The following CYP19A1 variants were observed in gnomAD, a reference collection of about 807,000 sequenced individuals.
CYP19A1 encodes aromatase.
A neutral mutation model predicts 44.4 loss-of-function variants in CYP19A1; 32 were observed. The ratio of observed to expected loss-of-function variants is 0.72; its 90% CI spans 0.54 to 0.97. The LOEUF is 0.97. CYP19A1 is among the 50% of genes least tolerant of loss of function. CYP19A1 has a pLI of 0.00. For missense variants in CYP19A1, 598 were observed against 637.8 expected, an observed-to-expected ratio of 0.94 and a Z score of 0.67; for synonymous variants, 212 against 215.6, an observed-to-expected ratio of 0.98 and a Z score of 0.14.
At chr15:51,324,533 A>G (rs1243907570) in intron 1 of CYP19A1, among the ~76,000 whole-genome samples, 2 of 152,252 alleles carry the variant, frequency 1.3e-5, no homozygotes, top group Non-Finnish European at 2.9e-5. Context: ...TGAGGTTAGA[A>G]CCAGTTCTTC....
chr15:51,301,645 C>T (rs551905924), intron 1 of CYP19A1, among the ~76,000 whole-genome samples: 2 of 145,834 alleles, frequency 1.4e-5, no homozygotes, highest in East Asian at 2.0e-4. Context: ...GTCTTCTGCT[C>T]GTCATCCTTT....
intron 1 of CYP19A1, among the ~76,000 whole-genome samples, chr15:51,260,805 C>A (rs1285582343): frequency 6.6e-6 from 1 of 152,192 alleles, no homozygotes; most frequent in Non-Finnish European, 1.5e-5. Flanking sequence ...GAGGGAGGGA[C>A]AATGATCAGG....
intron 2 of CYP19A1, among the ~76,000 whole-genome samples, chr15:51,238,508 A>T (rs1230191544): frequency 6.6e-6 from 1 of 152,018 alleles, no homozygotes; most frequent in Non-Finnish European, 1.5e-5. Flanking sequence ...CTTTTTTTTG[A>T]GACAGAGTCT....
chr15:51,268,524 C>G (rs1327478682), intron 1 of CYP19A1, among the ~76,000 whole-genome samples: 2 of 139,948 alleles, frequency 1.4e-5, no homozygotes, highest in Admixed American at 1.4e-4. Context: ...TTCCTTCCCC[C>G]CCCCCCTTTT....
chr15:51,251,944 G>A (rs1211862746), intron 1 of CYP19A1, among the ~76,000 whole-genome samples: 2 of 152,068 alleles, frequency 1.3e-5, no homozygotes, highest in Admixed American at 1.3e-4. Flanking sequence ...TGAGCCACAG[G>A]GCCCCTCTTA....
chr15:51,281,843 C>T (rs1439370621), intron 1 of CYP19A1, among the ~76,000 whole-genome samples: 1 of 152,188 alleles, frequency 6.6e-6, no homozygotes, highest in East Asian at 1.9e-4. Context: ...CTGACACATA[C>T]ACCAATGACA....
intron 2 of CYP19A1, among the ~76,000 whole-genome samples, chr15:51,241,716 G>A (rs1017696458): frequency 6.6e-6 from 1 of 152,192 alleles, no homozygotes; most frequent in Non-Finnish European, 1.5e-5. Context: ...AGTTGACCCT[G>A]TCAGGGAGCA....
intron 1 of CYP19A1, among the ~76,000 whole-genome samples, chr15:51,317,900 G>C (rs531284939): frequency 1.4e-4 from 21 of 152,318 alleles, no homozygotes; most frequent in Non-Finnish European, 2.5e-4. Flanking sequence ...CTTCAATTCT[G>C]TGCTCTTTGA....
At chr15:51,322,077 G>T (rs543491222) in intron 1 of CYP19A1, 1 of 152,378 alleles carries the variant, frequency 6.6e-6, no homozygotes, top group East Asian at 1.9e-4. Context: ...TCAGCATCTG[G>T]TGTGGCCTTC....
At chr15:51,273,620 G>C (rs1301802485) in intron 1 of CYP19A1, among the ~76,000 whole-genome samples, 1 of 152,122 alleles carries the variant, frequency 6.6e-6, no homozygotes, top group Non-Finnish European at 1.5e-5. Flanking sequence ...CACAGCCCTT[G>C]GGAAAATCAC....
intron 5 of CYP19A1, 68 bp from the exon 6 acceptor site, chr15:51,218,723 G>A: frequency 6.4e-7 from 1 of 1,551,052 alleles, no homozygotes; most frequent in Non-Finnish European, 8.7e-7. Flanking sequence ...TAAGAAGGTT[G>A]CTCTGAGCAG....
At chr15:51,277,252 T>A (rs1482513567) in intron 1 of CYP19A1, 1 of 152,228 alleles carries the variant, frequency 6.6e-6, no homozygotes, top group Non-Finnish European at 1.5e-5. Flanking sequence ...AAATATCTCC[T>A]TTTTTATGCC....
At chr15:51,274,714 G>A (rs1029901031) in intron 1 of CYP19A1, among the ~76,000 whole-genome samples, 2 of 152,190 alleles carry the variant, frequency 1.3e-5, no homozygotes, top group African/African-American at 2.4e-5. Flanking sequence ...TGCACAGAGT[G>A]TTTATTCTAG....
At chr15:51,278,675 G>A (rs936497721) in intron 1 of CYP19A1, among the ~76,000 whole-genome samples, 2 of 152,214 alleles carry the variant, frequency 1.3e-5, no homozygotes, top group Non-Finnish European at 2.9e-5. Flanking sequence ...ACTGCATCAG[G>A]TTCAGTTGTG....
At chr15:51,251,472 C>T (rs772831217) in intron 1 of CYP19A1, among the ~76,000 whole-genome samples, 2 of 152,190 alleles carry the variant, frequency 1.3e-5, no homozygotes, top group South Asian at 4.1e-4. Flanking sequence ...AATATTTCCA[C>T]AACATAAGTT....
chr15:51,303,540 G>A (rs1377583968), intron 1 of CYP19A1, among the ~76,000 whole-genome samples: 1 of 151,680 alleles, frequency 6.6e-6, no homozygotes, highest in Non-Finnish European at 1.5e-5. Flanking sequence ...TGCCAAGTAG[G>A]AGATGTAGGT....
At chr15:51,326,942 G>A (rs1330952601) in intron 1 of CYP19A1, among the ~76,000 whole-genome samples, 1 of 152,194 alleles carries the variant, frequency 6.6e-6, no homozygotes, top group Non-Finnish European at 1.5e-5. Flanking sequence ...GCTTGCCCAT[G>A]ACCATACAGG....
chr15:51,293,111 G>GTTTT (rs1351716364), intron 1 of CYP19A1, among the ~76,000 whole-genome samples: 3 of 152,048 alleles, frequency 2.0e-5, no homozygotes, highest in African/African-American at 7.3e-5. Flanking sequence ...GGGATTTGGG[G>GTTTT]GAAAGGGTGG....
chr15:51,215,694 G>A lies in CYP19A1; in HGVS notation c.858+9C>T, dbSNP rs2141043493. On this transcript the variant is annotated intron_variant, in intron 7 of 9. Coordinates refer to ENST00000396402, the MANE Select transcript of CYP19A1 (RefSeq NM_000103.4). ...TGGCATGGGAATTACAGTTAGTTCAGGTCAGTACCTCTGCTAAAATCAACT... is the reference window on the plus strand; with the variant it reads ...TGGCATGGGAATTACAGTTAGTTCAAGTCAGTACCTCTGCTAAAATCAACT... 6.2e-7 allele frequency: 1 copy of A among 1,613,900 alleles called. No individual in the cohort carries two copies. The highest frequency in any genetic ancestry group is 1.3e-5 in the African/African-American group (1 of 75,028).
Sources: gnomAD v4.1 joint callset for allele counts (sites outside exome capture counted in the v4.1 genomes callset) on GRCh38, gnomAD v4.1.1 for gene constraint, MANE v1.5 for transcripts, NCBI Gene and HGNC (gene_info 2026-07-23, HGNC 2026-07-21) for gene names.